CD34: variants seen among roughly 807,000 people sequenced by gnomAD.
The protein encoded by CD34 is CD34 molecule.
In CD34, 34 loss-of-function variants were observed where a neutral mutation model predicts 40.1. The observed-to-expected ratio is 0.85, with a 90% CI of 0.65 to 1.13. CD34 has a LOEUF of 1.13. CD34 is among the 50% of genes most tolerant of loss of function. CD34 has a pLI of 0.00. For missense variants in CD34, 426 were observed against 466.9 expected (o/e 0.91, Z 0.81); for synonymous variants, 209 against 190.0 (o/e 1.10, Z -0.82).
intron 4 of CD34, 34 bp downstream of exon 4, chr1:207,897,459 C>G: frequency 7.0e-7 from 1 of 1,422,550 alleles, no homozygotes; most frequent in Non-Finnish European, 9.7e-7. Context: ...GGGACAGGGG[C>G]GGGAGGAAGA....
chr1:207,899,318 A>G, intron 2 of CD34, 92 bp from the exon 3 acceptor site: 1 of 1,357,608 alleles, frequency 7.4e-7, no homozygotes, highest in Non-Finnish European at 1.0e-6. Context: ...ACTTCAACAC[A>G]GAAAAGGGAG....
At chr1:207,907,065 G>A (rs1662397513) in intron 1 of CD34, among the ~76,000 whole-genome samples, 1 of 151,924 alleles carries the variant, frequency 6.6e-6, no homozygotes, top group South Asian at 2.1e-4. Context: ...GTTAGCCAAG[G>A]TAAAGTAAGT....
chr1:207,888,161 C>T (rs528835634), intron 7 of CD34: 32 of 1,610,202 alleles, frequency 2.0e-5, no homozygotes, highest in East Asian at 6.7e-5. Flanking sequence ...ACCATGCCAC[C>T]GCAGCTCGGC....
Position 207,894,770 on chromosome 1 carries a change from T to C in CD34, c.597+2723A>G, listed in dbSNP as rs559598968. 4.6e-5 allele frequency among the ~76,000 whole-genome samples: 7 copies of C among 152,090 alleles called. No homozygotes were observed. In the South Asian group the frequency reaches 1.5e-3, roughly 32 times the overall value. On this transcript the variant is annotated intron_variant, in intron 4 of 7. Transcript: ENST00000310833. ...AAAGGTGTTTGAGATGAGAGTGGTA[T>C]CACCTTCCCTTCCCCTGGCTGCCTA...
intron 4 of CD34, among the ~76,000 whole-genome samples, chr1:207,893,206 C>G (rs1434917534): frequency 6.6e-6 from 1 of 152,118 alleles, no homozygotes; most frequent in Non-Finnish European, 1.5e-5. Flanking sequence ...ACACAATAAA[C>G]CCATCTAACC....
At chr1:207,892,190 T>C (rs1662051710) in intron 4 of CD34, among the ~76,000 whole-genome samples, 1 of 152,216 alleles carries the variant, frequency 6.6e-6, no homozygotes, top group Non-Finnish European at 1.5e-5. Flanking sequence ...CTTACTCTGC[T>C]CTTTACTGGA....
At chr1:207,898,141 G>A (rs572675076) in intron 3 of CD34, among the ~76,000 whole-genome samples, 1 of 151,882 alleles carries the variant, frequency 6.6e-6, no homozygotes, top group Non-Finnish European at 1.5e-5. Flanking sequence ...CACCTCCCTG[G>A]TTCAAGTGAT....
At position 207,886,530 on chromosome 1, in the gene CD34, A is replaced by G. The variant is rs1661897423; in HGVS notation, c.*1208T>C. 6.6e-6 allele frequency: 1 copy of G among 152,530 alleles called. No individual in the cohort carries two copies. The highest frequency in any genetic ancestry group is 2.4e-5 in the African/African-American group (1 of 41,460). 9.4% of individuals were successfully genotyped at this position (152,530 alleles called of 1,614,324 possible). Reference sequence around the variant, plus strand: ...ACACACCCAGCTAAGACAGAGTCACATAACAGATGTGTTTCAGTATCACTT... The same window carrying G: ...ACACACCCAGCTAAGACAGAGTCACGTAACAGATGTGTTTCAGTATCACTT... On this transcript the variant is annotated 3_prime_UTR_variant, in exon 8 of 8. Transcript: ENST00000310833.
intron 4 of CD34, 28 bp from the exon 5 acceptor site, chr1:207,889,649 A>G: frequency 6.2e-7 from 1 of 1,612,722 alleles, no homozygotes; most frequent in Non-Finnish European, 8.5e-7. Context: ...CATGGAGAGC[A>G]AGAGATGAAA....
chr1:207,889,982 A>G (rs1661998931), intron 4 of CD34: 12 of 1,441,526 alleles, frequency 8.3e-6, no homozygotes, highest in Non-Finnish European at 1.1e-5. Context: ...CTAAGAGAAA[A>G]TATTCTGTTT....
intron 4 of CD34, among the ~76,000 whole-genome samples, chr1:207,894,800 T>A: frequency 6.6e-6 from 1 of 151,692 alleles, no homozygotes. Context: ...TGCCTAGAGA[T>A]GATGGCTGGG....
Position 207,889,514 on chromosome 1 carries a change from C to T in CD34, c.705G>A (p.Gln235=), listed in dbSNP as rs1457980288. Residue 235 remains glutamine (Q), a synonymous_variant, in exon 5 of 8, where the codon CAG becomes CAA. Transcript: ENST00000310833. ...GTAGACACTGAGGCCTCACCTCAGA[C>T]TGGGCAAGGAGCAGGGAGCATACCT... ...GAQVCSLLLA[Q]SEVRPQCLLL... is the part of the protein sequence containing the mutation. The T allele has an allele frequency of 1.2e-6, 2 of 1,614,150 alleles. No homozygotes were observed. Among genetic ancestry groups the T allele is most frequent in the East Asian group, 2.2e-5 (1 of 44,878 alleles).
rs1430110225 is a variant in CD34, at chr1:207,889,755, G to A, written c.598-134C>T. The A allele has an allele frequency of 1.3e-3, 1,983 of 1,491,408 alleles. 1 individual carries two copies. Among genetic ancestry groups the A allele is most frequent in the Admixed American group, 2.8e-3 (128 of 44,996 alleles). 92.4% of individuals were successfully genotyped at this position (1,491,408 alleles called of 1,614,324 possible). On this transcript the variant is annotated intron_variant, in intron 4 of 7. Transcript: ENST00000310833. ...GATCCTTGTTTCTAAAATTCCAACA[G>A]AAAAAAAAAAAACTGCTAACTGTAT...
At chr1:207,888,311 G>A (rs931493432) in intron 7 of CD34, among the ~76,000 whole-genome samples, 8 of 152,202 alleles carry the variant, frequency 5.3e-5, no homozygotes, top group Non-Finnish European at 1.0e-4. Context: ...TTCTCCTTCC[G>A]TATACCTCCT....
chr1:207,898,869 A>T, intron 3 of CD34, 104 bp downstream of exon 3: 1 of 1,257,932 alleles, frequency 7.9e-7, no homozygotes, highest in East Asian at 2.3e-5. Context: ...CATGACCCAA[A>T]TCCCACTGGC....
chr1:207,895,140 C>T (rs967060530), intron 4 of CD34, among the ~76,000 whole-genome samples: 1 of 152,176 alleles, frequency 6.6e-6, no homozygotes, highest in African/African-American at 2.4e-5. Context: ...CAAATCCAAC[C>T]TAAGGAAAAT....
chr1:207,897,233 G>GA (rs1232896782), intron 4 of CD34, among the ~76,000 whole-genome samples: 1 of 151,986 alleles, frequency 6.6e-6, no homozygotes, highest in Non-Finnish European at 1.5e-5. Context: ...TACTATAGAG[G>GA]AGGGGGAAAA....
Position 207,886,506 on chromosome 1 carries a change from C to A in CD34, c.*1232G>T, listed in dbSNP as rs1485352928. 6.6e-6 allele frequency: 1 copy of A among 152,354 alleles called. No homozygotes were observed. The highest frequency in any genetic ancestry group is 1.5e-5 in the Non-Finnish European group (1 of 68,070). 9.4% of individuals were successfully genotyped at this position (152,354 alleles called of 1,614,324 possible). A position where few individuals can be genotyped will look rare whatever the true frequency, so the allele number is the denominator to read the frequency against. Reference sequence around the variant, plus strand: ...GGAGGGTGTCACTCTTGCATGCAGACACACCCAGCTAAGACAGAGTCACAT... The same window carrying A: ...GGAGGGTGTCACTCTTGCATGCAGAAACACCCAGCTAAGACAGAGTCACAT... On this transcript the variant is annotated 3_prime_UTR_variant, in exon 8 of 8. Transcript: ENST00000310833.
intron 1 of CD34, among the ~76,000 whole-genome samples, chr1:207,910,090 G>T (rs1558124922): frequency 6.6e-6 from 1 of 152,194 alleles, no homozygotes; most frequent in Non-Finnish European, 1.5e-5. Flanking sequence ...ATTCCCCAAG[G>T]AAAGTAATCG....
Sources: gnomAD v4.1 joint callset for allele counts (sites outside exome capture counted in the v4.1 genomes callset) on GRCh38, gnomAD v4.1.1 for gene constraint, MANE v1.5 for transcripts, NCBI Gene and HGNC (gene_info 2026-07-23, HGNC 2026-07-21) for gene names.